Variants in COL14A1 observed in about 807,000 individuals in gnomAD.
The protein encoded by COL14A1 is collagen type XIV alpha 1 chain.
In COL14A1, 136 loss-of-function variants were observed where a neutral mutation model predicts 230.3. The observed-to-expected ratio is 0.59, with a 90% CI of 0.51 to 0.68. COL14A1 has a LOEUF of 0.68. Among genes scored for constraint, COL14A1 ranks in the 30% least tolerant of loss-of-function variants. The pLI, the probability that COL14A1 is intolerant of heterozygous loss-of-function variation, is 0.00. For synonymous variants in COL14A1, 792 were observed against 784.1 expected (o/e 1.01, Z -0.17); for missense variants, 1,976 against 2,215.8 (o/e 0.89, Z 2.17).
intron 26 of COL14A1, among the ~76,000 whole-genome samples, chr8:120,274,450 C>A (rs1586822749): frequency 6.6e-6 from 1 of 151,836 alleles, no homozygotes; most frequent in South Asian, 2.1e-4. Context: ...CGCTTCTATT[C>A]AAGATAGTAC....
At chr8:120,342,487 A>G (rs1563748120) in intron 44 of COL14A1, 41 bp downstream of exon 44, 1 of 1,580,192 alleles carries the variant, frequency 6.3e-7, no homozygotes, top group Non-Finnish European at 8.7e-7. Flanking sequence ...CCCATAACAA[A>G]CTCTCATCCA....
chr8:120,133,706 T>C lies in COL14A1; in HGVS notation c.-38+8366T>C, dbSNP rs1814620828. On this transcript the variant is annotated intron_variant, in intron 1 of 47. Coordinates refer to ENST00000297848, the MANE Select transcript of COL14A1 (RefSeq NM_021110.4). ...CCATGTGTCTTCAAAATCAAAGTCA[T>C]GCCAAAGAAGCATTGCTATTAAAAA... is the stretch of plus-strand genomic sequence containing the variant. 2.0e-5 allele frequency among the ~76,000 whole-genome samples: 3 copies of C among 152,082 alleles called. No individual in the cohort carries two copies. In the South Asian group the frequency reaches 6.2e-4, roughly 31 times the overall value.
At chr8:120,342,220 C>A (rs909290192) in intron 43 of COL14A1, among the ~76,000 whole-genome samples, 160 bp from the exon 44 acceptor site, 3 of 152,148 alleles carry the variant, frequency 2.0e-5, no homozygotes, top group Non-Finnish European at 4.4e-5. Flanking sequence ...AAATTGCTTA[C>A]CCCTTCTCTG....
chr8:120,128,226 C>CACGT (rs1814411551), intron 1 of COL14A1, among the ~76,000 whole-genome samples: 1 of 100,544 alleles, frequency 9.9e-6, no homozygotes, highest in Non-Finnish European at 2.0e-5. Flanking sequence ...TGTGTGCGCG[C>CACGT]GCGTGTGTGT....
In COL14A1 at chr8:120,371,155, C is replaced by T; in HGVS notation, c.5315C>T (p.Pro1772Leu). 6.2e-7 allele frequency: 1 copy of T among 1,608,768 alleles called. No individual in the cohort carries two copies. The highest frequency in any genetic ancestry group is 8.5e-7 in the Non-Finnish European group (1 of 1,177,878). Residue 1772 changes from proline to leucine, a missense_variant, in exon 48 of 48, where the codon CCC (proline) becomes CTC (leucine). Pro to Leu is a moderately conservative substitution (Grantham distance 98, BLOSUM62 -3). Transcript: ENST00000297848. ...SSCSAYGVRA[P>L]HPDQPEFTPV... ...CACCCCCACTTTTCCTCTTTAGCTC[C>T]CCATCCAGATCAGCCAGAGTTCACC... is the stretch of plus-strand genomic sequence containing the variant.
At chr8:120,218,673 A>G (rs1817839442) in intron 14 of COL14A1, among the ~76,000 whole-genome samples, 1 of 152,202 alleles carries the variant, frequency 6.6e-6, no homozygotes, top group South Asian at 2.1e-4. Flanking sequence ...TTCTCTACTG[A>G]AAGAAAGACA....
chr8:120,287,215 T>TAA (rs539575321), intron 33 of COL14A1, among the ~76,000 whole-genome samples: 2 of 135,896 alleles, frequency 1.5e-5, no homozygotes, highest in African/African-American at 2.7e-5. Context: ...GAACAGTTGC[T>TAA]AAAAAAAAAA....
At position 120,264,984 on chromosome 8, in the gene COL14A1, C is replaced by G. The variant is rs145990937; in HGVS notation, c.3017-1843C>G. Among the ~76,000 whole-genome samples, 628 of 152,210 alleles carry G rather than the reference C, an allele frequency of 4.1e-3. 2 individuals are homozygous for G. Among genetic ancestry groups the G allele is most frequent in the Admixed American group, 9.6e-3 (146 of 15,254 alleles). On this transcript the variant is annotated intron_variant, in intron 24 of 47. Coordinates refer to ENST00000297848, the MANE Select transcript of COL14A1 (RefSeq NM_021110.4). ...AGCTCTGTTTGATGTAAATGTTTTCCTTATGTTGGAGGCATCTGTCTTCTT... is the reference window on the plus strand; with the variant it reads ...AGCTCTGTTTGATGTAAATGTTTTCGTTATGTTGGAGGCATCTGTCTTCTT...
At chr8:120,284,643 A>T (rs189184991) in intron 32 of COL14A1, among the ~76,000 whole-genome samples, 1 of 152,346 alleles carries the variant, frequency 6.6e-6, no homozygotes, top group East Asian at 1.9e-4. Flanking sequence ...ATCAACAACT[A>T]AATATGATAT....
chr8:120,344,619 G>T (rs1380559944), intron 44 of COL14A1, among the ~76,000 whole-genome samples: 2 of 152,174 alleles, frequency 1.3e-5, no homozygotes, highest in Non-Finnish European at 2.9e-5. Flanking sequence ...ATTTTAGAGT[G>T]AATTCCTTGA....
rs1013865804 is a variant in COL14A1 at position 120,342,982 on chromosome 8, G to T, written c.4888+536G>T. On this transcript the variant is annotated intron_variant, in intron 44 of 47. Transcript: ENST00000297848. Reference sequence around the variant, plus strand: ...TACAAACACACACATGAACAGGCTTGCTCTGACGTTTGATATGATATTATA... The same window carrying T: ...TACAAACACACACATGAACAGGCTTTCTCTGACGTTTGATATGATATTATA... Among the ~76,000 whole-genome samples the T allele has an allele frequency of 3.9e-5, 6 of 152,126 alleles. No homozygotes were observed. The South Asian group carries it at 1.2e-3, about 32-fold the overall frequency.
Position 120,280,949 on chromosome 8 carries a change from G to C in COL14A1, c.3714G>C (p.Leu1238Phe), listed in dbSNP as rs1395208549. 6.3e-7 allele frequency: 1 copy of C among 1,597,480 alleles called. No homozygotes were observed. The highest frequency in any genetic ancestry group is 1.7e-5 in the Admixed American group (1 of 58,676). The change falls in exon 31 of 48, where the codon TTG (leucine) becomes TTC (phenylalanine). Residue 1238 changes from leucine (L) to phenylalanine (F), a missense_variant. This residue lies in a region of COL14A1 where 1,791 missense variants were observed against 2,019.5 expected (regional missense o/e 0.89). Transcript: ENST00000297848. ...AGFKMMEMFG[L>F]VEKDFSSVEG... ...TTAAGATGATGGAAATGTTTGGTTTGGTTGAAAAAGATTTTTCATCAGTGG... is the reference window on the plus strand; with the variant it reads ...TTAAGATGATGGAAATGTTTGGTTTCGTTGAAAAAGATTTTTCATCAGTGG...
At chr8:120,137,770 A>C (rs948719787) in intron 1 of COL14A1, among the ~76,000 whole-genome samples, 4 of 151,722 alleles carry the variant, frequency 2.6e-5, no homozygotes, top group African/African-American at 9.7e-5. Context: ...AAGATATTTT[A>C]TTATTATTCA....
chr8:120,228,753 C>CACA lies in COL14A1; in HGVS notation c.2182_2184dup (p.Thr728dup), dbSNP rs1818169272. The CACA allele has an allele frequency of 2.5e-6, 4 of 1,613,658 alleles. No individual in the cohort carries two copies. The Admixed American group carries it at 6.7e-5, about 27-fold the overall frequency. On this transcript the variant is annotated inframe_insertion, in exon 18 of 48. Transcript: ENST00000297848. ...AACCAGCTACAACCATAGTGCCTAC[C>CACA]ACATCTGTGACTTCAGGTAAGGTCA...
chr8:120,224,609 ATG>A (rs1298241715), intron 14 of COL14A1, among the ~76,000 whole-genome samples: 2 of 152,196 alleles, frequency 1.3e-5, no homozygotes, highest in Non-Finnish European at 2.9e-5. Context: ...TTCACCAAAT[ATG>A]TCTTTCTGTG....
At chr8:120,362,093 G>T (rs1019250828) in intron 45 of COL14A1, among the ~76,000 whole-genome samples, 5 of 152,210 alleles carry the variant, frequency 3.3e-5, no homozygotes, top group African/African-American at 1.2e-4. Context: ...CATAACTATA[G>T]CAAGCAAGAC....
At position 120,126,489 on chromosome 8, in the gene COL14A1, C is replaced by T. The variant is rs113131520; in HGVS notation, c.-38+1149C>T. 8.0e-3 allele frequency among the ~76,000 whole-genome samples: 1,219 copies of T among 152,066 alleles called. 13 individuals carry two copies. The highest frequency in any genetic ancestry group is 0.026 in the African/African-American group (1,078 of 41,446). On this transcript the variant is annotated intron_variant, in intron 1 of 47. Coordinates refer to ENST00000297848, the MANE Select transcript of COL14A1 (RefSeq NM_021110.4). The stretch of plus-strand genomic sequence containing the variant: ...GTTTTGGAGAGTCCTCTGTTGGCAG[C>T]AGCTGAAGGGGGTGGGAGTGGGGGC...
chr8:120,154,979 T>C (rs1780202516), intron 2 of COL14A1, among the ~76,000 whole-genome samples: 1 of 152,190 alleles, frequency 6.6e-6, no homozygotes, highest in Non-Finnish European at 1.5e-5. Flanking sequence ...AAACCTAACT[T>C]TGAAATCCAC....
intron 45 of COL14A1, among the ~76,000 whole-genome samples, chr8:120,355,656 C>G (rs191739561): frequency 1.3e-5 from 2 of 151,726 alleles, no homozygotes; most frequent in African/African-American, 2.4e-5. Flanking sequence ...CAACTGACAA[C>G]CCCCCCACCC....
Sources: gnomAD v4.1 joint callset for allele counts (sites outside exome capture counted in the v4.1 genomes callset) on GRCh38, gnomAD v4.1.1 for gene constraint, gnomAD v4.1.1 regional missense constraint, MANE v1.5 for transcripts, NCBI Gene and HGNC (gene_info 2026-07-23, HGNC 2026-07-21) for gene names.